ADAMTS17: variants seen among roughly 807,000 people sequenced by gnomAD.
ADAMTS17 encodes ADAM metallopeptidase with thrombospondin type 1 motif 17.
Under a neutral mutation model 141.5 loss-of-function variants are expected in ADAMTS17, and 113 were observed. The ratio of observed to expected loss-of-function variants is 0.80; its 90% confidence interval spans 0.69 to 0.93. ADAMTS17 has a LOEUF of 0.93. Ranked by LOEUF, ADAMTS17 falls within the 40% of genes least tolerant of loss-of-function variation. The probability of loss-of-function intolerance (pLI) is 0.00; values close to 1 mark genes in which losing one functional copy is unlikely to be tolerated. For synonymous variants in ADAMTS17, 768 were observed against 630.6 expected, an observed-to-expected ratio of 1.22 and a Z score of -3.27; for missense variants, 1,659 against 1,517.9, an observed-to-expected ratio of 1.09 and a Z score of -1.54.
chr15:100,297,612 G>A (rs2044869957), intron 3 of ADAMTS17, among the ~76,000 whole-genome samples: 2 of 152,158 alleles, frequency 1.3e-5, no homozygotes, highest in Non-Finnish European at 2.9e-5. Flanking sequence ...CTGAATTGGG[G>A]ACCACTGGAA....
chr15:100,184,873 C>T lies in ADAMTS17; in HGVS notation c.1181+14445G>A, dbSNP rs77894823. 7.8e-3 allele frequency among the ~76,000 whole-genome samples: 1,195 copies of T among 152,306 alleles called. 32 individuals carry two copies. Among genetic ancestry groups the T allele is most frequent in the East Asian group, 0.047 (242 of 5,180 alleles). On this transcript the variant is annotated intron_variant, in intron 8 of 21. Transcript: ENST00000268070. The stretch of plus-strand genomic sequence containing the variant: ...GCAGGTATGATAGGGTCCTGTCCCA[C>T]TGTGGCCTGGGCTCGCCACCTCTCC...
At chr15:100,055,934 G>T (rs1182347939) in intron 15 of ADAMTS17, among the ~76,000 whole-genome samples, 1 of 152,168 alleles carries the variant, frequency 6.6e-6, no homozygotes, top group Non-Finnish European at 1.5e-5. Context: ...TTGTAGAGTG[G>T]AGACCTGAAT....
intron 7 of ADAMTS17, among the ~76,000 whole-genome samples, chr15:100,249,902 G>T (rs1200556044): frequency 1.3e-5 from 2 of 152,170 alleles, no homozygotes; most frequent in Non-Finnish European, 2.9e-5. Flanking sequence ...GACTACTGAG[G>T]GTGGGGGTTA....
intron 19 of ADAMTS17, among the ~76,000 whole-genome samples, chr15:99,995,286 T>A (rs2060776974): frequency 6.6e-6 from 1 of 152,252 alleles, no homozygotes; most frequent in African/African-American, 2.4e-5. Context: ...CAGGAACCCA[T>A]GCACCATTTC....
At chr15:100,103,583 T>G (rs1404085393) in intron 14 of ADAMTS17, among the ~76,000 whole-genome samples, 2 of 146,198 alleles carry the variant, frequency 1.4e-5, no homozygotes, top group Non-Finnish European at 3.0e-5. Context: ...TCTTTTTTTT[T>G]CTTTTCCTTT....
At chr15:100,205,859 C>T (rs2041528004) in intron 7 of ADAMTS17, among the ~76,000 whole-genome samples, 1 of 152,186 alleles carries the variant, frequency 6.6e-6, no homozygotes, top group African/African-American at 2.4e-5. Flanking sequence ...AGCCTCAGGG[C>T]CTGAAGGGTG....
intron 18 of ADAMTS17, among the ~76,000 whole-genome samples, chr15:100,011,339 A>T (rs1432462240): frequency 7.6e-6 from 1 of 132,280 alleles, no homozygotes; most frequent in African/African-American, 2.8e-5. Context: ...GAGGGAGGGA[A>T]GGAAAGGAGG....
At chr15:100,184,937 T>C (rs1159233254) in intron 8 of ADAMTS17, among the ~76,000 whole-genome samples, 2 of 152,170 alleles carry the variant, frequency 1.3e-5, no homozygotes, top group African/African-American at 4.8e-5. Context: ...CACTCCTCTA[T>C]TACATCAGGC....
chr15:100,140,589 A>G (rs1308086791), intron 10 of ADAMTS17, among the ~76,000 whole-genome samples: 1 of 151,548 alleles, frequency 6.6e-6, no homozygotes, highest in African/African-American at 2.4e-5. Context: ...AGCAGTCACC[A>G]AGTCCAGACA....
In ADAMTS17 at chr15:100,341,261, G is replaced by C. The variant is rs747636994; in HGVS notation, c.228C>G (p.Pro76=). 1.9e-4 allele frequency: 247 copies of C among 1,294,708 alleles called. No homozygotes were observed. Among genetic ancestry groups the C allele is most frequent in the Middle Eastern group, 2.9e-4 (1 of 3,430 alleles). 80.2% of individuals were successfully genotyped at this position (1,294,708 alleles called of 1,614,324 possible). The change falls in exon 2 of 22, where the codon CCC becomes CCG. Residue 76 remains proline, a synonymous_variant. Coordinates refer to ENST00000268070, the MANE Select transcript of ADAMTS17 (RefSeq NM_139057.4). ...RTPPAAPRAR[P]GERALLLHLP... is the part of the protein sequence containing the mutation. ...GGTGCAGCAGCAGGGCGCGCTCTCC[G>C]GGCCGGGCGCGCGGGGCGGCTGGGG... is the stretch of plus-strand genomic sequence containing the variant.
chr15:100,127,452 G>GA (rs2141212094), intron 12 of ADAMTS17, among the ~76,000 whole-genome samples: 1 of 152,340 alleles, frequency 6.6e-6, no homozygotes, highest in South Asian at 2.1e-4. Context: ...TTTCAAGAAG[G>GA]AAGCACTGTG....
intron 20 of ADAMTS17, among the ~76,000 whole-genome samples, chr15:99,989,623 C>T (rs922703710): frequency 6.6e-6 from 1 of 152,232 alleles, no homozygotes; most frequent in Non-Finnish European, 1.5e-5. Context: ...TGGATCAGAA[C>T]CTGGTCTGTT....
chr15:100,066,136 T>C (rs1165414162), intron 15 of ADAMTS17, among the ~76,000 whole-genome samples: 1 of 152,218 alleles, frequency 6.6e-6, no homozygotes, highest in African/African-American at 2.4e-5. Context: ...TGATGGGCAT[T>C]TGGGTTGGTT....
At chr15:100,300,951 A>G (rs1474239101) in intron 3 of ADAMTS17, among the ~76,000 whole-genome samples, 2 of 152,184 alleles carry the variant, frequency 1.3e-5, no homozygotes, top group African/African-American at 4.8e-5. Flanking sequence ...TCATCATTTA[A>G]TTGTTCTGTG....
chr15:100,113,878 G>T (rs1247134069), intron 13 of ADAMTS17, among the ~76,000 whole-genome samples: 1 of 152,206 alleles, frequency 6.6e-6, no homozygotes, highest in African/African-American at 2.4e-5. Context: ...ACGTCCAGAC[G>T]CAGCCTTTGC....
intron 7 of ADAMTS17, among the ~76,000 whole-genome samples, chr15:100,215,787 C>T (rs981074267): frequency 6.6e-6 from 1 of 152,090 alleles, no homozygotes; most frequent in African/African-American, 2.4e-5. Context: ...CTCGAAGACA[C>T]AAGTATCAAA....
chr15:100,199,447 T>A (rs769507694), intron 7 of ADAMTS17, 24 bp from the exon 8 acceptor site: 3 of 1,602,392 alleles, frequency 1.9e-6, no homozygotes, highest in East Asian at 4.5e-5. Flanking sequence ...ACAAAACACA[T>A]CCTCTTCAGA....
At chr15:100,075,329 C>A (rs115073319) in intron 15 of ADAMTS17, among the ~76,000 whole-genome samples, 4,303 of 152,174 alleles carry the variant, frequency 0.028, 206 homozygotes, top group African/African-American at 0.098. Context: ...CTAATAAATT[C>A]TTGCTGGTCT....
chr15:100,274,971 T>C (rs1468550597), intron 4 of ADAMTS17, among the ~76,000 whole-genome samples: 2 of 152,234 alleles, frequency 1.3e-5, no homozygotes, highest in Non-Finnish European at 1.5e-5. Flanking sequence ...TTCAGTGGCA[T>C]TAAAAACCTC....
Sources: gnomAD v4.1 joint callset for allele counts (sites outside exome capture counted in the v4.1 genomes callset) on GRCh38, gnomAD v4.1.1 for gene constraint, MANE v1.5 for transcripts, NCBI Gene and HGNC (gene_info 2026-07-23, HGNC 2026-07-21) for gene names.